ZNF749: variants seen among roughly 807,000 people sequenced by gnomAD.
ZNF749 encodes the protein zinc finger protein 749.
In ZNF749, 8 loss-of-function variants were observed where a neutral mutation model predicts 7.3. The observed-to-expected ratio is 1.10, with a 90% CI of 0.64 to 1.98. The LOEUF (loss-of-function observed/expected upper bound fraction) is 1.98. ZNF749 is among the 30% of genes most tolerant of loss of function. The probability of loss-of-function intolerance (pLI) is 0.00; values close to 1 mark genes in which losing one functional copy is unlikely to be tolerated. For missense variants in ZNF749, 898 were observed against 932.4 expected (o/e 0.96, Z 0.48); for synonymous variants, 310 against 322.4 (o/e 0.96, Z 0.41).
At position 57,444,797 on chromosome 19, in the gene ZNF749, A is replaced by T; in HGVS notation, c.1649A>T (p.Asp550Val). ...GACCTCATTCAACACAAGAGGATTG[A>T]CCTCAGGCCAAGGCCTTATGTGTGT... Reference protein sequence around the residue: ...RSDLIQHKRIDLRPRPYVCSE... With the variant: ...RSDLIQHKRIVLRPRPYVCSE... Residue 550 changes from aspartate (D) to valine (V), a missense_variant, in exon 3 of 3, where the codon GAC (aspartate) becomes GTC (valine). Transcript: ENST00000334181. 1 of 1,613,998 alleles carries T rather than the reference A, an allele frequency of 6.2e-7. No homozygotes were observed. The highest frequency in any genetic ancestry group is 8.5e-7 in the Non-Finnish European group (1 of 1,179,960).
Position 57,444,991 on chromosome 19 carries a change from A to C in ZNF749, c.1843A>C (p.Ser615Arg), listed in dbSNP as rs1266986869. 6.2e-7 allele frequency: 1 copy of C among 1,614,224 alleles called. No homozygotes were observed. The highest frequency in any genetic ancestry group is 2.2e-5 in the East Asian group (1 of 44,874). The change falls in exon 3 of 3, where the codon AGC (serine) becomes CGC (arginine). Residue 615 changes from serine to arginine, a missense_variant. Coordinates refer to ENST00000334181, the MANE Select transcript of ZNF749 (RefSeq NM_001023561.4). ...CACTGGAGAAAAGCCTTATAAATGCAGCAAATGTGGGAAATTCTTTAGATA... is the reference window on the plus strand; with the variant it reads ...CACTGGAGAAAAGCCTTATAAATGCCGCAAATGTGGGAAATTCTTTAGATA... ...IHTGEKPYKCSKCGKFFRYRC... is the reference protein window; with the variant it reads ...IHTGEKPYKCRKCGKFFRYRC...
At chr19:57,430,205 T>C in the ZNF749 span, among the ~76,000 whole-genome samples, 1 of 152,204 alleles carries the variant, frequency 6.6e-6, no homozygotes, top group Non-Finnish European at 1.5e-5. Flanking sequence ...GCTCGTAGTT[T>C]GGAGGCTGGG....
Position 57,442,202 on chromosome 19 carries a change from A to C in ZNF749, c.142+191A>C, listed in dbSNP as rs1254994305. On this transcript the variant is annotated intron_variant, in intron 2 of 2. Coordinates refer to ENST00000334181, the MANE Select transcript of ZNF749 (RefSeq NM_001023561.4). This position sits in a 1 kb window ranked among gnomAD's most constrained non-coding sequence, Gnocchi z 6.6. ...GTACCACCTCCCCTTAAGCAGCCCC[A>C]GCTTCTGTTGCTCTGAAACTTTACA... 6.6e-6 allele frequency among the ~76,000 whole-genome samples: 1 copy of C among 152,222 alleles called. No homozygotes were observed. The highest frequency in any genetic ancestry group is 2.4e-5 in the African/African-American group (1 of 41,462).
chr19:57,435,584 C>A lies in ZNF749; in HGVS notation c.6C>A (p.Asn2Lys), dbSNP rs2088926634. ...GACTGGAGGAGGCCGCGCCGATGAA[C>A]CTGACCGAGGTGCGTGCAGCGTCCC... M[N>K]LTEDCMVFED... The change falls in exon 1 of 3, where the codon AAC (asparagine) becomes AAA (lysine). Residue 2 changes from asparagine to lysine, a missense_variant. By Grantham distance (94) the Asn-to-Lys change is moderately conservative. Coordinates refer to ENST00000334181, the MANE Select transcript of ZNF749 (RefSeq NM_001023561.4). The A allele has an allele frequency of 1.9e-6, 3 of 1,606,446 alleles. No homozygotes were observed. Among genetic ancestry groups the A allele is most frequent in the Non-Finnish European group, 2.5e-6 (3 of 1,177,596 alleles).
At chr19:57,441,714 A>G (rs563544248) in intron 1 of ZNF749, among the ~76,000 whole-genome samples, 171 bp from the exon 2 acceptor site, 44 of 152,306 alleles carry the variant, frequency 2.9e-4, no homozygotes, top group Admixed American at 9.2e-4. Flanking sequence ...ATAATCATGT[A>G]TGAGCATTAG....
chr19:57,432,304 G>A (rs1237647937), upstream of ZNF749, among the ~76,000 whole-genome samples: 3 of 150,728 alleles, frequency 2.0e-5, no homozygotes, highest in African/African-American at 7.3e-5. Context: ...GGCGGGGCGC[G>A]GTGGCTCACA....
chr19:57,440,315 T>C (rs550247443), intron 1 of ZNF749, among the ~76,000 whole-genome samples: 55 of 151,612 alleles, frequency 3.6e-4, no homozygotes, highest in African/African-American at 1.2e-3. Flanking sequence ...GGCTTTGGAT[T>C]AGGATTAGGG....
At chr19:57,433,455 G>A (rs529487434), upstream of ZNF749, among the ~76,000 whole-genome samples, 1 of 152,230 alleles carries the variant, frequency 6.6e-6, no homozygotes, top group East Asian at 1.9e-4. Context: ...TTGTCCATTT[G>A]TATAGCAAAT....
chr19:57,428,871 C>T, the ZNF749 span, among the ~76,000 whole-genome samples: 1 of 152,180 alleles, frequency 6.6e-6, no homozygotes, highest in Non-Finnish European at 1.5e-5. Flanking sequence ...TAGAATCATA[C>T]AAATGTATTG....
At position 57,445,202 on chromosome 19, in the gene ZNF749, A is replaced by T; in HGVS notation, c.2054A>T (p.Lys685Ile). 6.2e-7 allele frequency: 1 copy of T among 1,614,076 alleles called. No homozygotes were observed. Among genetic ancestry groups the T allele is most frequent in the Non-Finnish European group, 8.5e-7 (1 of 1,179,954 alleles). The change falls in exon 3 of 3, where the codon AAA becomes ATA. Residue 685 changes from lysine (K) to isoleucine (I), a missense_variant. Coordinates refer to ENST00000334181, the MANE Select transcript of ZNF749 (RefSeq NM_001023561.4). Reference protein sequence around the residue: ...KFLRYRSTFIKHHKVCTGEKP... With the variant: ...KFLRYRSTFIIHHKVCTGEKP... ...CTTAGATACCGCTCTACATTCATTA[A>T]ACATCATAAAGTTTGCACTGGGGAG... is the stretch of plus-strand genomic sequence containing the variant.
chr19:57,442,935 T>C lies in ZNF749; in HGVS notation c.143-356T>C, dbSNP rs1273655766. ...CCTGTACTTTAGGTGTTATGAGGTC[T>C]GCGTGTATCCTTCAGTAGTCCATGA... On this transcript the variant is annotated intron_variant, in intron 2 of 2. Transcript: ENST00000334181. The surrounding 1 kb of genome is among the most constrained non-coding windows in gnomAD (Gnocchi z 6.6). Among the ~76,000 whole-genome samples, 1 of 152,238 alleles carries C rather than the reference T, an allele frequency of 6.6e-6. No homozygotes were observed. The highest frequency in any genetic ancestry group is 1.5e-5 in the Non-Finnish European group (1 of 68,038).
At position 57,443,600 on chromosome 19, in the gene ZNF749, A is replaced by G. The variant is rs2089018339; in HGVS notation, c.452A>G (p.Asn151Ser). The G allele has an allele frequency of 6.2e-7, 1 of 1,614,208 alleles. No homozygotes were observed. The highest frequency in any genetic ancestry group is 8.5e-7 in the Non-Finnish European group (1 of 1,180,030). The change falls in exon 3 of 3, where the codon AAC (asparagine) becomes AGC (serine). Residue 151 changes from asparagine (N) to serine (S), a missense_variant. Asn to Ser is a conservative substitution (Grantham distance 46). Transcript: ENST00000334181. Reference protein sequence around the residue: ...VNHSAHVGERNFTCTQGGKDF... With the variant: ...VNHSAHVGERSFTCTQGGKDF... ...CACAGTGCTCACGTGGGAGAGAGGA[A>G]CTTCACATGCACGCAGGGTGGCAAG...
At chr19:57,431,845 G>A (rs897921874), upstream of ZNF749, among the ~76,000 whole-genome samples, 6 of 151,584 alleles carry the variant, frequency 4.0e-5, no homozygotes, top group South Asian at 6.2e-4. Flanking sequence ...TTTTTTTAAC[G>A]GAGTTTCACT....
intron 1 of ZNF749, among the ~76,000 whole-genome samples, chr19:57,438,881 G>T (rs1159111194): frequency 6.6e-6 from 1 of 152,208 alleles, no homozygotes; most frequent in Non-Finnish European, 1.5e-5. Context: ...ACGGGATATA[G>T]AAAGTTCAAA....
chr19:57,442,928 T>A lies in ZNF749; in HGVS notation c.143-363T>A, dbSNP rs961942654. Among the ~76,000 whole-genome samples the A allele has an allele frequency of 6.6e-6, 1 of 152,226 alleles. No individual in the cohort carries two copies. The highest frequency in any genetic ancestry group is 2.4e-5 in the African/African-American group (1 of 41,458). ...TGTATGACCTGTACTTTAGGTGTTA[T>A]GAGGTCTGCGTGTATCCTTCAGTAG... On this transcript the variant is annotated intron_variant, in intron 2 of 2. Transcript: ENST00000334181. The surrounding 1 kb of genome is among the most constrained non-coding windows in gnomAD (Gnocchi z 6.6).
In ZNF749 at chr19:57,444,454, CG is replaced by C; in HGVS notation, c.1308del (p.Pro437LeufsTer17). 6.2e-7 allele frequency: 1 copy of C among 1,613,760 alleles called. No individual in the cohort carries two copies. The highest frequency in any genetic ancestry group is 2.2e-5 in the East Asian group (1 of 44,834). ...GCATCTGAAAATTCATACTGGAGAACGGCCTTATGAGTGCACTGAATGTGAG... is the reference window on the plus strand; with the variant it reads ...GCATCTGAAAATTCATACTGGAGAACGCCTTATGAGTGCACTGAATGTGAG... Reference protein sequence around the residue: ...VQHLKIHTGERPYECTECEKA... With the variant: ...VQHLKIHTGEXPYECTECEKA... On this transcript the variant is annotated frameshift_variant, in exon 3 of 3. Coordinates refer to ENST00000334181, the MANE Select transcript of ZNF749 (RefSeq NM_001023561.4). LOFTEE classifies it low-confidence loss of function (END_TRUNC).
intron 1 of ZNF749, among the ~76,000 whole-genome samples, chr19:57,441,408 T>A (rs1170208838): frequency 6.6e-6 from 1 of 151,980 alleles, no homozygotes; most frequent in Non-Finnish European, 1.5e-5. Context: ...AAAGAGTGAG[T>A]GATGACAGAG....
Position 57,446,268 on chromosome 19 carries a change from T to C in ZNF749, c.*783T>C, listed in dbSNP as rs781406007. ...CCTGTGAGGGATCTAGGTTGTGTGC[T>C]CCTTATGAGAATCTAACTAATACCT... On this transcript the variant is annotated 3_prime_UTR_variant, in exon 3 of 3. Transcript: ENST00000334181. Among the ~76,000 whole-genome samples the C allele has an allele frequency of 6.6e-6, 1 of 152,122 alleles. No homozygotes were observed. Among genetic ancestry groups the C allele is most frequent in the Non-Finnish European group, 1.5e-5 (1 of 68,024 alleles).
In ZNF749 at chr19:57,446,784, A is replaced by T. The variant is rs1035103029; in HGVS notation, c.*1299A>T. 2.6e-5 allele frequency among the ~76,000 whole-genome samples: 4 copies of T among 152,226 alleles called. No individual in the cohort carries two copies. The highest frequency in any genetic ancestry group is 4.8e-5 in the African/African-American group (2 of 41,456). ...TATGATATGGTCCATTGCGCCTCAG[A>T]TATAAACCTTAACAGCATGTTACAG... is the stretch of plus-strand genomic sequence containing the variant. On this transcript the variant is annotated 3_prime_UTR_variant, in exon 3 of 3. Coordinates refer to ENST00000334181, the MANE Select transcript of ZNF749 (RefSeq NM_001023561.4).
Sources: gnomAD v4.1 joint callset for allele counts (sites outside exome capture counted in the v4.1 genomes callset) on GRCh38, gnomAD v4.1.1 for gene constraint, Gnocchi (gnomAD v3.1) non-coding constraint, MANE v1.5 for transcripts, NCBI Gene and HGNC (gene_info 2026-07-23, HGNC 2026-07-21) for gene names.